Variants in LRRC56 observed in about 807,000 individuals in gnomAD.
LRRC56 encodes leucine rich repeat containing 56.
Under a neutral mutation model 47.8 loss-of-function variants are expected in LRRC56, and 41 were observed. The observed-to-expected ratio is 0.86, with a 90% CI of 0.67 to 1.11. The LOEUF (loss-of-function observed/expected upper bound fraction) is 1.11. LRRC56 is among the 50% of genes most tolerant of loss of function. LRRC56 has a pLI of 0.00. For missense variants in LRRC56, 759 were observed against 704.2 expected (o/e 1.08, Z -0.88); for synonymous variants, 387 against 311.2 (o/e 1.24, Z -2.56).
chr11:540,626 G>A, intron 3 of LRRC56, 48 bp from the exon 4 acceptor site: 2 of 1,533,410 alleles, frequency 1.3e-6, no homozygotes, highest in South Asian at 2.3e-5. Context: ...GGGCTGCAGA[G>A]GAGGAGGAGC....
chr11:536,762 T>A (rs1045595117), upstream of LRRC56: 10 of 152,222 alleles, frequency 6.6e-5, 1 homozygote, highest in Admixed American at 5.2e-4. Context: ...CTACTTCGTC[T>A]CAAAACAAAA....
At position 540,831 on chromosome 11, in the gene LRRC56, G is replaced by T; in HGVS notation, c.147G>T (p.Leu49=). The T allele has an allele frequency of 6.3e-7, 1 of 1,585,222 alleles. No homozygotes were observed. Among genetic ancestry groups the T allele is most frequent in the Non-Finnish European group, 8.6e-7 (1 of 1,166,362 alleles). ...GSQRDRLGEQ[L]VEEYLSPARL... ...AGAGGGACAGACTTGGAGAGCAGCT[G>T]GTGGAAGAGTACCTGTCCCCTGCCC... The change falls in exon 4 of 14, where the codon CTG becomes CTT. Residue 49 remains leucine (L), a synonymous_variant. Transcript: ENST00000270115.
upstream of LRRC56, chr11:533,525 T>C (rs397517140): frequency 1.1e-4 from 182 of 1,613,784 alleles, 1 homozygote; most frequent in South Asian, 1.4e-3. Context: ...CCTGCCGAGA[T>C]TCCACAGTGC....
At chr11:551,532 C>A in intron 9 of LRRC56, 119 bp from the exon 10 acceptor site, 1 of 1,098,718 alleles carries the variant, frequency 9.1e-7, no homozygotes, top group Non-Finnish European at 1.3e-6. Context: ...AAGGCTGCAG[C>A]GTGAGAGGCC....
At chr11:550,521 T>C (rs865829427) in intron 8 of LRRC56, among the ~76,000 whole-genome samples, 1 of 152,164 alleles carries the variant, frequency 6.6e-6, no homozygotes, top group African/African-American at 2.4e-5. Context: ...CATATGCACC[T>C]GTGAGGTCCA....
chr11:552,942 G>A (rs2134073852), intron 13 of LRRC56, among the ~76,000 whole-genome samples: 1 of 152,300 alleles, frequency 6.6e-6, no homozygotes, highest in Non-Finnish European at 1.5e-5. Context: ...GTGCCACCCG[G>A]GCTGGACGAA....
At chr11:553,214 G>A (rs950060621) in intron 13 of LRRC56, among the ~76,000 whole-genome samples, 1 of 152,210 alleles carries the variant, frequency 6.6e-6, no homozygotes, top group African/African-American at 2.4e-5. Flanking sequence ...CTTTACGAAG[G>A]ACACTGACTT....
the LRRC56 span, among the ~76,000 whole-genome samples, chr11:531,122 T>C: frequency 7.2e-6 from 1 of 139,578 alleles, no homozygotes; most frequent in Non-Finnish European, 1.5e-5. Context: ...GAAGGGGGAG[T>C]GTGGCGTCCC....
chr11:518,395 A>G, the LRRC56 span, among the ~76,000 whole-genome samples: 1 of 151,928 alleles, frequency 6.6e-6, no homozygotes, highest in Non-Finnish European at 1.5e-5. Context: ...GTTAGCCAGG[A>G]TGGTCTCGAT....
chr11:528,659 T>G, the LRRC56 span: 3 of 152,104 alleles, frequency 2.0e-5, no homozygotes, highest in Non-Finnish European at 4.4e-5. Context: ...CTGACGATCG[T>G]CTCGAGCCAC....
intron 12 of LRRC56, 41 bp from the exon 13 acceptor site, chr11:552,528 G>A: frequency 1.3e-6 from 2 of 1,548,924 alleles, no homozygotes; most frequent in Non-Finnish European, 8.8e-7. Context: ...TGTCCCGTGG[G>A]GGGATCAGGG....
At chr11:519,408 G>C in the LRRC56 span, among the ~76,000 whole-genome samples, 228 of 21,714 alleles carry the variant, frequency 0.011, 8 homozygotes, top group Admixed American at 0.013. Flanking sequence ...TAGAACGCGG[G>C]CTGATACACA....
the LRRC56 span, among the ~76,000 whole-genome samples, chr11:512,552 C>A: frequency 6.6e-6 from 1 of 152,080 alleles, no homozygotes; most frequent in Admixed American, 6.6e-5. Flanking sequence ...TTGATCCATA[C>A]GTTTGCGTTT....
At chr11:532,664 C>G, upstream of LRRC56, 1 of 1,612,756 alleles carries the variant, frequency 6.2e-7, no homozygotes, top group Non-Finnish European at 8.5e-7. Flanking sequence ...GCAGCTCATG[C>G]AGCCGGGGCC....
At chr11:536,243 G>C (rs1033267861), upstream of LRRC56, among the ~76,000 whole-genome samples, 3 of 152,196 alleles carry the variant, frequency 2.0e-5, no homozygotes, top group Non-Finnish European at 4.4e-5. Context: ...CCTCTTTCTC[G>C]GGCCTGCGTG....
chr11:509,026 CAA>C, the LRRC56 span, among the ~76,000 whole-genome samples: 2 of 152,056 alleles, frequency 1.3e-5, no homozygotes, highest in African/African-American at 2.4e-5. Flanking sequence ...GCCTGGGCAA[CAA>C]GAGCGAAACT....
the LRRC56 span, among the ~76,000 whole-genome samples, chr11:527,857 C>T: frequency 6.6e-6 from 1 of 152,088 alleles, no homozygotes; most frequent in Admixed American, 6.6e-5. Flanking sequence ...TCCACCACCA[C>T]ACCCGGCTAA....
the LRRC56 span, chr11:532,498 G>A: frequency 3.9e-5 from 46 of 1,187,542 alleles, no homozygotes; most frequent in South Asian, 7.0e-5. Context: ...TCCTGCATCC[G>A]GCACCTCCAT....
chr11:506,956 C>A, the LRRC56 span: 1 of 152,238 alleles, frequency 6.6e-6, no homozygotes, highest in Non-Finnish European at 1.5e-5. Flanking sequence ...TAGCCCCGGA[C>A]CCCTGCCCCG....
Sources: gnomAD v4.1 joint callset for allele counts (sites outside exome capture counted in the v4.1 genomes callset) on GRCh38, gnomAD v4.1.1 for gene constraint, MANE v1.5 for transcripts, NCBI Gene and HGNC (gene_info 2026-07-23, HGNC 2026-07-21) for gene names.